Variants in WWC1 observed in about 807,000 individuals in gnomAD.
WWC1 encodes protein KIBRA.
A neutral mutation model predicts 138.4 loss-of-function variants in WWC1; 55 were observed. The ratio of observed to expected loss-of-function variants is 0.40; its 90% CI spans 0.32 to 0.50. The LOEUF is 0.50. WWC1 is among the 20% of genes least tolerant of loss of function. WWC1 has a pLI of 0.72. For synonymous variants in WWC1, 524 were observed against 564.9 expected (o/e 0.93, Z 1.03); for missense variants, 1,226 against 1,420.4 (o/e 0.86, Z 2.20).
Position 168,428,085 on chromosome 5 carries a change from C to A in WWC1, c.1863C>A (p.Ala621=), listed in dbSNP as rs764998317. The change falls in exon 12 of 23, where the codon GCC becomes GCA. Residue 621 remains alanine, a synonymous_variant. Coordinates refer to ENST00000265293, the MANE Select transcript of WWC1 (RefSeq NM_015238.3). Reference sequence around the variant, plus strand: ...TGAAAGTGGCCTGTGTCTCAGCCGCCGTATCGGACGAGTCAGTGGCTGGAG... The same window carrying A: ...TGAAAGTGGCCTGTGTCTCAGCCGCAGTATCGGACGAGTCAGTGGCTGGAG... ...CGLKVACVSA[A]VSDESVAGDS... is the part of the protein sequence containing the mutation. 46 of 1,613,738 alleles carry A rather than the reference C, an allele frequency of 2.9e-5. 1 individual carries two copies. The South Asian group carries it at 4.9e-4, about 17-fold the overall frequency.
intron 5 of WWC1, among the ~76,000 whole-genome samples, chr5:168,399,993 G>T (rs1779191601): frequency 6.6e-6 from 1 of 152,138 alleles, no homozygotes; most frequent in South Asian, 2.1e-4. Context: ...GTGCTTCAGT[G>T]AAGGATTAAT....
intron 1 of WWC1, among the ~76,000 whole-genome samples, chr5:168,334,054 GAAAAAAAAAAA>G (rs70976475): frequency 4.5e-5 from 2 of 44,496 alleles, no homozygotes; most frequent in East Asian, 9.0e-4. Context: ...CATCCCTACT[GAAAAAAAAAAA>G]AAAAAAAAAA....
chr5:168,318,044 C>G (rs1055799085), intron 1 of WWC1, among the ~76,000 whole-genome samples: 4 of 151,984 alleles, frequency 2.6e-5, no homozygotes, highest in Admixed American at 6.6e-5. Context: ...TTGCTGCTCT[C>G]TTTGATAAAG....
chr5:168,352,529 G>A (rs961529022), intron 1 of WWC1, among the ~76,000 whole-genome samples: 2 of 152,016 alleles, frequency 1.3e-5, no homozygotes, highest in East Asian at 1.9e-4. Flanking sequence ...CCTAAGGCAT[G>A]CGACTTGACC....
chr5:168,403,026 C>CTTTCTT (rs1779449829), intron 5 of WWC1, among the ~76,000 whole-genome samples: 1 of 119,194 alleles, frequency 8.4e-6, no homozygotes, highest in South Asian at 2.7e-4. Context: ...TTCTTTCTTT[C>CTTTCTT]TTTCTTTCTT....
intron 1 of WWC1, among the ~76,000 whole-genome samples, chr5:168,300,775 G>T (rs547778226): frequency 6.6e-6 from 1 of 152,044 alleles, no homozygotes; most frequent in Non-Finnish European, 1.5e-5. Flanking sequence ...CTTCCTCCCC[G>T]CCCAGTGGTG....
chr5:168,407,082 G>C (rs374094340), intron 6 of WWC1, among the ~76,000 whole-genome samples: 1 of 152,102 alleles, frequency 6.6e-6, no homozygotes, highest in Non-Finnish European at 1.5e-5. Context: ...TTGAGCCAGC[G>C]CACCTGGCCC....
Position 168,371,523 on chromosome 5 carries a change from C to A in WWC1, c.219C>A (p.Asp73Glu). The change falls in exon 2 of 23, where the codon GAC becomes GAA. Residue 73 changes from aspartate to glutamate, a missense_variant. Physicochemically the swap from Asp to Glu is conservative, Grantham distance 45. Coordinates refer to ENST00000265293, the MANE Select transcript of WWC1 (RefSeq NM_015238.3). Reference sequence around the variant, plus strand: ...CACAGGTTGGAGATTACTTCATAGACCACAACACCAGTAAGTTCCCGACGG... The same window carrying A: ...CACAGGTTGGAGATTACTTCATAGAACACAACACCAGTAAGTTCCCGACGG... ...YDPQVGDYFI[D>E]HNTKTTQIED... is the part of the protein sequence containing the mutation. 2 of 1,613,242 alleles carry A rather than the reference C, an allele frequency of 1.2e-6. No individual in the cohort carries two copies. The highest frequency in any genetic ancestry group is 1.7e-6 in the Non-Finnish European group (2 of 1,179,268).
In WWC1 at chr5:168,422,092, G is replaced by A; in HGVS notation, c.1269G>A (p.Leu423=). ...AGGTGGCAACTCTGCACTCCCAGCT[G>A]AAAAGGTGAGTGGTGGGCGGTGAGG... ...TRQVATLHSQ[L]KSLSSSMQSL... The change falls in exon 10 of 23, where the codon CTG becomes CTA. Residue 423 remains leucine, a synonymous_variant. Coordinates refer to ENST00000265293, the MANE Select transcript of WWC1 (RefSeq NM_015238.3). 1.2e-6 allele frequency: 2 copies of A among 1,612,764 alleles called. No individual in the cohort carries two copies. The highest frequency in any genetic ancestry group is 1.7e-6 in the Non-Finnish European group (2 of 1,179,270).
At chr5:168,405,101 T>C (rs574759161) in intron 5 of WWC1, among the ~76,000 whole-genome samples, 1 of 152,278 alleles carries the variant, frequency 6.6e-6, no homozygotes, top group African/African-American at 2.4e-5. Context: ...ATCCAGGCTT[T>C]TTAGAGGAGG....
chr5:168,335,464 A>G lies in WWC1; in HGVS notation c.120-35960A>G, dbSNP rs187555808. Among the ~76,000 whole-genome samples, 303 of 152,326 alleles carry G rather than the reference A, an allele frequency of 2.0e-3. 5 individuals are homozygous for G. The East Asian group carries it at 0.034, about 17-fold the overall frequency. Reference sequence around the variant, plus strand: ...AGCGAGACTCCGTTCTCTTAAAAAGAAAGAAAGAACATCTAGAATTTCCTG... The same window carrying G: ...AGCGAGACTCCGTTCTCTTAAAAAGGAAGAAAGAACATCTAGAATTTCCTG... On this transcript the variant is annotated intron_variant, in intron 1 of 22. Coordinates refer to ENST00000265293, the MANE Select transcript of WWC1 (RefSeq NM_015238.3).
chr5:168,303,870 T>G (rs1276117159), intron 1 of WWC1, among the ~76,000 whole-genome samples: 1 of 152,090 alleles, frequency 6.6e-6, no homozygotes, highest in African/African-American at 2.4e-5. Context: ...GAGGTGGTTT[T>G]GAGGAAAAGC....
intron 7 of WWC1, among the ~76,000 whole-genome samples, chr5:168,409,224 C>G (rs1019895979): frequency 6.6e-6 from 1 of 152,178 alleles, no homozygotes; most frequent in African/African-American, 2.4e-5. Flanking sequence ...TTTACTAGAG[C>G]CAGCAACATT....
At chr5:168,452,016 C>A (rs1165022323) in intron 17 of WWC1, among the ~76,000 whole-genome samples, 3 of 147,544 alleles carry the variant, frequency 2.0e-5, no homozygotes, top group African/African-American at 7.6e-5. Flanking sequence ...AGCAATTGTC[C>A]TGCCTCAGCC....
At chr5:168,355,453 C>A (rs1775321212) in intron 1 of WWC1, among the ~76,000 whole-genome samples, 1 of 146,266 alleles carries the variant, frequency 6.8e-6, no homozygotes, top group Admixed American at 7.0e-5. Context: ...GAGATCGCGC[C>A]ACTACACTCC....
intron 2 of WWC1, among the ~76,000 whole-genome samples, chr5:168,385,009 C>T (rs1271930537): frequency 6.6e-6 from 1 of 152,182 alleles, no homozygotes; most frequent in Non-Finnish European, 1.5e-5. Flanking sequence ...TGAGCCACCA[C>T]ACCCAACCCC....
chr5:168,333,599 A>G (rs185880868), intron 1 of WWC1, among the ~76,000 whole-genome samples: 11 of 152,256 alleles, frequency 7.2e-5, no homozygotes, highest in Admixed American at 3.9e-4. Context: ...CTGAAGTGCT[A>G]TCTGTCCAGA....
intron 2 of WWC1, among the ~76,000 whole-genome samples, chr5:168,372,960 G>T (rs1776869592): frequency 6.6e-6 from 1 of 152,272 alleles, no homozygotes; most frequent in Admixed American, 6.5e-5. Context: ...ATGGGTGAAT[G>T]AGTGGACTGT....
intron 15 of WWC1, among the ~76,000 whole-genome samples, chr5:168,432,047 C>CAAAAAAAGAAAAAAAAAAAAAA (rs1781992490): frequency 9.0e-6 from 1 of 111,432 alleles, no homozygotes. Flanking sequence ...AACCCTGTGT[C>CAAAAAAAGAAAAAAAAAAAAAA]AAAAAAAAAA....
Sources: gnomAD v4.1 joint callset for allele counts (sites outside exome capture counted in the v4.1 genomes callset) on GRCh38, gnomAD v4.1.1 for gene constraint, MANE v1.5 for transcripts, NCBI Gene and HGNC (gene_info 2026-07-23, HGNC 2026-07-21) for gene names.